CTDSPL: variants seen among roughly 807,000 people sequenced by gnomAD.
The protein encoded by CTDSPL is CTD small phosphatase like.
CTDSPL carries 8 observed loss-of-function variants against 30.5 expected under a neutral mutation model. That is an observed-to-expected ratio of 0.26 (90% CI 0.15 to 0.47). CTDSPL has a LOEUF of 0.47. Among genes scored for constraint, CTDSPL ranks in the 20% least tolerant of loss-of-function variants. CTDSPL has a pLI of 0.99. For missense variants in CTDSPL, 248 were observed against 366.1 expected, an observed-to-expected ratio of 0.68 and a Z score of 2.63; for synonymous variants, 110 against 137.9, an observed-to-expected ratio of 0.80 and a Z score of 1.42.
intron 1 of CTDSPL, among the ~76,000 whole-genome samples, chr3:37,894,410 T>G (rs560841656): frequency 2.0e-5 from 3 of 151,298 alleles, no homozygotes; most frequent in African/African-American, 7.3e-5. Context: ...CCCAGCCAAG[T>G]TTTTTTTTCC....
At chr3:37,866,618 G>C (rs1698013684) in intron 1 of CTDSPL, among the ~76,000 whole-genome samples, 1 of 152,184 alleles carries the variant, frequency 6.6e-6, no homozygotes, top group African/African-American at 2.4e-5. Flanking sequence ...TGCAGTATTA[G>C]CAAGAACATA....
At chr3:37,895,362 A>T (rs1698379444) in intron 1 of CTDSPL, among the ~76,000 whole-genome samples, 1 of 152,144 alleles carries the variant, frequency 6.6e-6, no homozygotes. Flanking sequence ...TGCATAGTTC[A>T]GTGGTCAGCC....
At chr3:37,912,252 G>A in intron 1 of CTDSPL, among the ~76,000 whole-genome samples, 1 of 152,190 alleles carries the variant, frequency 6.6e-6, no homozygotes, top group East Asian at 1.9e-4. Flanking sequence ...GGGGAGGCCG[G>A]TTCTTTCCTG....
chr3:37,940,823 A>G (rs1698969780), intron 1 of CTDSPL, among the ~76,000 whole-genome samples: 1 of 150,372 alleles, frequency 6.7e-6, no homozygotes, highest in African/African-American at 2.4e-5. Context: ...AAAAAATGTC[A>G]GATGTCCACT....
At position 37,975,579 on chromosome 3, in the gene CTDSPL, C is replaced by A; in HGVS notation, c.520-130C>A. On this transcript the variant is annotated intron_variant, in intron 6 of 7. Coordinates refer to ENST00000273179, the MANE Select transcript of CTDSPL (RefSeq NM_001008392.2). The surrounding 1 kb of genome is among the most constrained non-coding windows in gnomAD (Gnocchi z 4.9). ...CTTATGTACACGGAGAGGAAAATAA[C>A]CAGGATCCTAAGACACATCTAATTA... 6.6e-6 allele frequency: 5 copies of A among 756,436 alleles called. No individual in the cohort carries two copies. Among genetic ancestry groups the A allele is most frequent in the Admixed American group, 2.6e-5 (1 of 38,392 alleles). The allele number at this position is 756,436 out of a possible 1,614,324, so 46.9% of individuals were successfully genotyped here.
At chr3:37,964,502 T>C (rs1177012627) in intron 3 of CTDSPL, 69 bp from the exon 4 acceptor site, 4 of 992,252 alleles carry the variant, frequency 4.0e-6, no homozygotes, top group Non-Finnish European at 6.3e-6. Context: ...TGTTTGAAAG[T>C]AGTATAATGC....
intron 1 of CTDSPL, among the ~76,000 whole-genome samples, chr3:37,923,386 T>G (rs780370850): frequency 1.1e-4 from 16 of 152,232 alleles, no homozygotes; most frequent in Non-Finnish European, 2.2e-4. Context: ...TCCCAACTGA[T>G]AGTTCAAATG....
intron 1 of CTDSPL, among the ~76,000 whole-genome samples, chr3:37,879,578 C>A (rs982419206): frequency 1.3e-5 from 2 of 152,218 alleles, no homozygotes; most frequent in Admixed American, 6.5e-5. Flanking sequence ...GTACACTGTA[C>A]ATATACTGGT....
In CTDSPL at chr3:37,892,237, A is replaced by T. The variant is rs111390067; in HGVS notation, c.79+29959A>T. On this transcript the variant is annotated intron_variant, in intron 1 of 7. Transcript: ENST00000273179. ...AATTACTTACTTTAGCAAGTTATTT[A>T]AACTCTCTGTGCCTCAATTTCCTGA... 3.7e-3 allele frequency among the ~76,000 whole-genome samples: 559 copies of T among 152,322 alleles called. 3 individuals are homozygous for T. Among genetic ancestry groups the T allele is most frequent in the African/African-American group, 0.012 (508 of 41,574 alleles).
Position 37,967,897 on chromosome 3 carries a change from C to T in CTDSPL, c.426+15C>T. The T allele has an allele frequency of 1.3e-6, 2 of 1,565,626 alleles. No homozygotes were observed. Among genetic ancestry groups the T allele is most frequent in the Non-Finnish European group, 1.7e-6 (2 of 1,157,764 alleles). ...CTATACATCAGGTAAGAAACTGAAG[C>T]TAAATTTGAGTTTCAATTAAGATTT... On this transcript the variant is annotated intron_variant, in intron 5 of 7. Transcript: ENST00000273179.
At chr3:37,873,548 T>TG (rs1698101150) in intron 1 of CTDSPL, among the ~76,000 whole-genome samples, 1 of 152,208 alleles carries the variant, frequency 6.6e-6, no homozygotes, top group Non-Finnish European at 1.5e-5. Flanking sequence ...TTTTGATGTT[T>TG]ATTTTATATA....
chr3:37,934,913 A>G (rs1698897468), intron 1 of CTDSPL, among the ~76,000 whole-genome samples: 1 of 152,172 alleles, frequency 6.6e-6, no homozygotes, highest in African/African-American at 2.4e-5. Context: ...GGACTCAGAT[A>G]TGAACAAGAT....
chr3:37,880,344 C>G (rs145913594), intron 1 of CTDSPL, among the ~76,000 whole-genome samples: 62 of 149,098 alleles, frequency 4.2e-4, no homozygotes, highest in African/African-American at 1.6e-3. Context: ...TATTTGGAGA[C>G]TATTACAAGC....
intron 1 of CTDSPL, among the ~76,000 whole-genome samples, chr3:37,903,868 G>A (rs1247977798): frequency 1.3e-5 from 2 of 152,228 alleles, no homozygotes; most frequent in African/African-American, 4.8e-5. Context: ...AAGTCCATGT[G>A]CAGTTGCTTC....
intron 3 of CTDSPL, among the ~76,000 whole-genome samples, chr3:37,960,537 C>CAT (rs1699232966): frequency 2.2e-5 from 1 of 45,292 alleles, no homozygotes; most frequent in African/African-American, 8.8e-5. Flanking sequence ...TATATATATA[C>CAT]ACACACACAC....
At chr3:37,976,636 A>G (rs993513427) in intron 7 of CTDSPL, among the ~76,000 whole-genome samples, 5 of 152,080 alleles carry the variant, frequency 3.3e-5, no homozygotes, top group Non-Finnish European at 5.9e-5. Flanking sequence ...GTCTCAAAAA[A>G]AAAAAAAAAA....
intron 1 of CTDSPL, among the ~76,000 whole-genome samples, chr3:37,903,290 G>A (rs575103152): frequency 6.6e-6 from 1 of 152,170 alleles, no homozygotes; most frequent in Admixed American, 6.5e-5. Flanking sequence ...CTAGTAAGAG[G>A]TGAAGGACAG....
intron 3 of CTDSPL, among the ~76,000 whole-genome samples, chr3:37,962,015 A>G (rs1699250325): frequency 6.6e-6 from 1 of 151,074 alleles, no homozygotes; most frequent in African/African-American, 2.4e-5. Context: ...TCCTCCACCC[A>G]CCCCCCGGCA....
intron 1 of CTDSPL, among the ~76,000 whole-genome samples, chr3:37,908,231 G>GCCCC (rs1553682708): frequency 6.6e-6 from 1 of 152,206 alleles, no homozygotes. Context: ...CCCGCCAAGT[G>GCCCC]GGCGAATGTC....
Sources: allele counts gnomAD v4.1 joint callset (sites outside exome capture counted in the v4.1 genomes callset), GRCh38; gene constraint gnomAD v4.1.1; non-coding constraint Gnocchi (gnomAD v3.1); transcripts MANE v1.5; gene names NCBI Gene and HGNC (gene_info 2026-07-23, HGNC 2026-07-21).